The following ATAD2B variants were observed in gnomAD, a reference collection of about 807,000 sequenced individuals.
The protein encoded by ATAD2B is ATPase family AAA domain containing 2B, also known as ATPase family AAA domain-containing protein 2B.
A neutral mutation model predicts 167.6 loss-of-function variants in ATAD2B; 40 were observed. The ratio of observed to expected loss-of-function variants is 0.24; its 90% CI spans 0.19 to 0.31. The LOEUF is 0.31. ATAD2B is among the 10% of genes least tolerant of loss of function. The probability of loss-of-function intolerance (pLI) is 1.00; values close to 1 mark genes in which losing one functional copy is unlikely to be tolerated. For synonymous variants in ATAD2B, 579 were observed against 596.5 expected (o/e 0.97, Z 0.43); for missense variants, 1,242 against 1,757.2 (o/e 0.71, Z 5.24).
At chr2:23,885,929 C>A in intron 4 of ATAD2B, 100 bp from the exon 5 acceptor site, 1 of 665,982 alleles carries the variant, frequency 1.5e-6, no homozygotes. Flanking sequence ...TGATGTGTAA[C>A]TACACACAAC....
the ATAD2B span, among the ~76,000 whole-genome samples, chr2:23,683,642 T>C: frequency 6.6e-6 from 1 of 152,018 alleles, no homozygotes; most frequent in Non-Finnish European, 1.5e-5. Context: ...TGCAGCAGAG[T>C]GGGAGCCTCC....
chr2:23,926,464 G>T, intron 1 of ATAD2B, 91 bp downstream of exon 1: 1 of 1,483,250 alleles, frequency 6.7e-7, no homozygotes, highest in Non-Finnish European at 8.9e-7. Flanking sequence ...GGTCTCCACT[G>T]TAGGCTTCCT....
the ATAD2B span, among the ~76,000 whole-genome samples, chr2:23,730,523 G>A: frequency 8.1e-4 from 122 of 151,516 alleles, no homozygotes; most frequent in African/African-American, 2.7e-3. Flanking sequence ...AAAATTAGCC[G>A]GGTGTGGTGG....
chr2:23,683,507 CCTT>C, the ATAD2B span, among the ~76,000 whole-genome samples: 1 of 152,220 alleles, frequency 6.6e-6, no homozygotes, highest in African/African-American at 2.4e-5. Flanking sequence ...GCTCTTCCCT[CCTT>C]CTCCTTTCTA....
chr2:23,911,820 C>G (rs987666804), intron 1 of ATAD2B, among the ~76,000 whole-genome samples: 4 of 151,602 alleles, frequency 2.6e-5, no homozygotes, highest in Admixed American at 1.3e-4. Flanking sequence ...ACTAAAAATA[C>G]AAAAATTAGC....
At chr2:23,881,126 T>C (rs1697818119) in intron 6 of ATAD2B, among the ~76,000 whole-genome samples, 1 of 152,146 alleles carries the variant, frequency 6.6e-6, no homozygotes, top group Non-Finnish European at 1.5e-5. Context: ...CTAAATAAGA[T>C]TAGTATTCAA....
chr2:23,813,207 G>A (rs189144471), intron 17 of ATAD2B, among the ~76,000 whole-genome samples: 2 of 151,512 alleles, frequency 1.3e-5, no homozygotes, highest in East Asian at 1.9e-4. Flanking sequence ...ATGATTAATT[G>A]TAATCACTAT....
chr2:23,906,415 C>G (rs756059900), intron 1 of ATAD2B, among the ~76,000 whole-genome samples: 1 of 152,024 alleles, frequency 6.6e-6, no homozygotes. Context: ...GCATGCCAAC[C>G]GGTTAAATAT....
the ATAD2B span, among the ~76,000 whole-genome samples, chr2:23,680,783 C>T: frequency 6.6e-6 from 1 of 151,390 alleles, no homozygotes; most frequent in Non-Finnish European, 1.5e-5. This position sits in a 1 kb window ranked among gnomAD's most constrained non-coding sequence, Gnocchi z 4.1. Context: ...AGGCCATCTT[C>T]TCCTGGGGTC....
Position 23,885,779 on chromosome 2 carries a change from T to C in ATAD2B, c.623A>G (p.Asn208Ser). 6.3e-7 allele frequency: 1 copy of C among 1,598,492 alleles called. No homozygotes were observed. Among genetic ancestry groups the C allele is most frequent in the East Asian group, 2.2e-5 (1 of 44,630 alleles). ...QEMDNINIRR[N>S]RRSGEVERLR... ...TCGTTCTACTTCTCCTGATCGACGATTCCGTCGGATGTTAATGTTGTCCAT... is the reference window on the plus strand; with the variant it reads ...TCGTTCTACTTCTCCTGATCGACGACTCCGTCGGATGTTAATGTTGTCCAT... Residue 208 changes from asparagine to serine, a missense_variant, in exon 5 of 28, where the codon AAT (asparagine) becomes AGT (serine). This residue lies in a region of ATAD2B where 99 missense variants were observed against 160.4 expected (regional missense o/e 0.62). Coordinates refer to ENST00000238789, the MANE Select transcript of ATAD2B (RefSeq NM_017552.4).
Position 23,752,036 on chromosome 2 carries a change from C to T in ATAD2B, c.*10G>A. ...AGATTGGAGAGGATAAACCACTCAT[C>T]TTGAAAAGTTCATAGGAATGTCTCA... On this transcript the variant is annotated 3_prime_UTR_variant, in exon 28 of 28. Coordinates refer to ENST00000238789, the MANE Select transcript of ATAD2B (RefSeq NM_017552.4). 1.3e-6 allele frequency: 2 copies of T among 1,557,424 alleles called. No homozygotes were observed. Among genetic ancestry groups the T allele is most frequent in the Non-Finnish European group, 1.7e-6 (2 of 1,147,034 alleles).
intron 22 of ATAD2B, among the ~76,000 whole-genome samples, chr2:23,774,948 ACT>A (rs1335466769): frequency 6.6e-6 from 1 of 152,160 alleles, no homozygotes; most frequent in Non-Finnish European, 1.5e-5. Context: ...AATAAAATTT[ACT>A]CATCGGCCAC....
At chr2:23,777,771 T>C (rs1679390437) in intron 22 of ATAD2B, among the ~76,000 whole-genome samples, 1 of 152,056 alleles carries the variant, frequency 6.6e-6, no homozygotes, top group Non-Finnish European at 1.5e-5. Context: ...ACATAATATA[T>C]CATGTATCTA....
chr2:23,748,058 A>G (rs1674997503), downstream of ATAD2B, among the ~76,000 whole-genome samples: 1 of 152,310 alleles, frequency 6.6e-6, no homozygotes, highest in Admixed American at 6.5e-5. Flanking sequence ...TTGAAATTAT[A>G]GAATCTGAAA....
At chr2:23,920,309 C>T (rs896760026) in intron 1 of ATAD2B, among the ~76,000 whole-genome samples, 1 of 152,168 alleles carries the variant, frequency 6.6e-6, no homozygotes, top group Admixed American at 6.5e-5. Flanking sequence ...GAAGTCTTAC[C>T]ACACTAAGTA....
chr2:23,795,666 G>A (rs540167882), intron 19 of ATAD2B, among the ~76,000 whole-genome samples: 1 of 152,170 alleles, frequency 6.6e-6, no homozygotes, highest in East Asian at 1.9e-4. Flanking sequence ...GATCACCTGA[G>A]GTCAGGAGTT....
chr2:23,816,693 T>C (rs1199347655), intron 17 of ATAD2B, among the ~76,000 whole-genome samples: 4 of 152,162 alleles, frequency 2.6e-5, no homozygotes, highest in Admixed American at 1.3e-4. Context: ...CTTTATTACT[T>C]GAATTTTCTA....
the ATAD2B span, among the ~76,000 whole-genome samples, chr2:23,715,244 G>A: frequency 6.6e-6 from 1 of 152,106 alleles, no homozygotes; most frequent in Non-Finnish European, 1.5e-5. Context: ...TTTAAAAATT[G>A]AAAACTTTCA....
At chr2:23,894,008 T>A (rs1699872915) in intron 2 of ATAD2B, among the ~76,000 whole-genome samples, 1 of 152,186 alleles carries the variant, frequency 6.6e-6, no homozygotes, top group Admixed American at 6.5e-5. Context: ...ATTGTCCTTT[T>A]GCCAAAACAG....
Sources: allele counts gnomAD v4.1 joint callset (sites outside exome capture counted in the v4.1 genomes callset), GRCh38; gene constraint gnomAD v4.1.1; regional missense constraint gnomAD v4.1.1; non-coding constraint Gnocchi (gnomAD v3.1); transcripts MANE v1.5; gene names NCBI Gene and HGNC (gene_info 2026-07-23, HGNC 2026-07-21).